The following CREBBP variants were observed in gnomAD, a reference collection of about 807,000 sequenced individuals.
CREBBP encodes CREB-binding protein.
In CREBBP, 19 loss-of-function variants were observed where a neutral mutation model predicts 265.0. The ratio of observed to expected loss-of-function variants is 0.07; its 90% CI spans 0.05 to 0.11. The LOEUF (loss-of-function observed/expected upper bound fraction) is 0.11, where lower values mean the gene tolerates loss of function less well. CREBBP is among the 10% of genes least tolerant of loss of function. The probability of loss-of-function intolerance (pLI) is 1.00; values close to 1 mark genes in which losing one functional copy is unlikely to be tolerated. For synonymous variants in CREBBP, 1,457 were observed against 1,223.7 expected (o/e 1.19, Z -3.98); for missense variants, 2,525 against 3,219.0 (o/e 0.78, Z 5.22).
At chr16:3,764,745 G>C (rs34519477) in intron 16 of CREBBP, among the ~76,000 whole-genome samples, 14 of 151,360 alleles carry the variant, frequency 9.2e-5, no homozygotes, top group African/African-American at 3.4e-4. Flanking sequence ...CACCACACTT[G>C]GCTGATTTTT....
chr16:3,769,548 C>A (rs1483400036), intron 14 of CREBBP, among the ~76,000 whole-genome samples, 195 bp from the exon 15 acceptor site: 3 of 152,172 alleles, frequency 2.0e-5, no homozygotes, highest in Non-Finnish European at 4.4e-5. Flanking sequence ...GCCAGAGGTA[C>A]AACTCAGGTC....
intron 5 of CREBBP, among the ~76,000 whole-genome samples, chr16:3,783,236 A>G (rs2053314067): frequency 6.6e-6 from 1 of 152,224 alleles, no homozygotes; most frequent in South Asian, 2.1e-4. Context: ...AGACTCCTCA[A>G]GAAGTCAGTT....
chr16:3,725,734 C>T lies in CREBBP; in HGVS notation c.*1984G>A, dbSNP rs1240078543. The T allele has an allele frequency of 2.6e-5, 6 of 233,134 alleles. No homozygotes were observed. The highest frequency in any genetic ancestry group is 2.4e-4 in the East Asian group (4 of 16,604). The allele number at this position is 233,134 out of a possible 1,614,324, so 14.4% of individuals were successfully genotyped here. On this transcript the variant is annotated 3_prime_UTR_variant, in exon 31 of 31. Coordinates refer to ENST00000262367, the MANE Select transcript of CREBBP (RefSeq NM_004380.3). ...TTTCCAACTTCTTAGAAAGGTTCCTCGAATTCAGATTCCCAAACCAAGTAT... is the reference window on the plus strand; with the variant it reads ...TTTCCAACTTCTTAGAAAGGTTCCTTGAATTCAGATTCCCAAACCAAGTAT...
At position 3,778,816 on chromosome 16, in the gene CREBBP, C is replaced by T. The variant is rs781659306; in HGVS notation, c.1825G>A (p.Val609Ile). Residue 609 changes from valine to isoleucine, a missense_variant and splice_region_variant, in exon 9 of 31, where the codon GTC becomes ATC. Val to Ile is a conservative substitution (Grantham distance 29). Coordinates refer to ENST00000262367, the MANE Select transcript of CREBBP (RefSeq NM_004380.3). ...DLRSHLVHKL[V>I]QAIFPTPDPA... is the part of the protein sequence containing the mutation. ...TCAGGTGTTGGGAAGATGGCTTGGA[C>T]GCTGAAAGGATAACACATCTATCAA... 3 of 1,612,910 alleles carry T rather than the reference C, an allele frequency of 1.9e-6. No homozygotes were observed. The highest frequency in any genetic ancestry group is 2.5e-6 in the Non-Finnish European group (3 of 1,179,094).
intron 2 of CREBBP, among the ~76,000 whole-genome samples, chr16:3,837,273 G>A (rs1390646699): frequency 1.3e-5 from 2 of 152,150 alleles, no homozygotes; most frequent in African/African-American, 4.8e-5. Flanking sequence ...GTGTGTCTGT[G>A]TGTATGTGTG....
chr16:3,785,569 G>A (rs2053366780), intron 5 of CREBBP, among the ~76,000 whole-genome samples: 1 of 152,196 alleles, frequency 6.6e-6, no homozygotes, highest in Non-Finnish European at 1.5e-5. Flanking sequence ...CAGAGTCCAG[G>A]GGACGTGCCA....
chr16:3,771,097 T>C (rs2052997136), intron 13 of CREBBP, 111 bp from the exon 14 acceptor site: 1 of 1,157,286 alleles, frequency 8.6e-7, no homozygotes. Context: ...TGAGACAGTT[T>C]CACTCTTGTC....
At chr16:3,851,062 C>A in intron 1 of CREBBP, 53 bp from the exon 2 acceptor site, 1 of 1,460,454 alleles carries the variant, frequency 6.8e-7, no homozygotes. Context: ...TTACAGCTCT[C>A]CAACTGCCAC....
chr16:3,755,852 T>C (rs988125920), intron 19 of CREBBP, among the ~76,000 whole-genome samples: 2 of 152,200 alleles, frequency 1.3e-5, no homozygotes, highest in Non-Finnish European at 2.9e-5. Context: ...TTAGGGTCTG[T>C]CCTTCCCCCT....
chr16:3,849,442 T>TGTGTGTGTGTGTGTGTGTG (rs2054764589), intron 2 of CREBBP, among the ~76,000 whole-genome samples: 3 of 18,714 alleles, frequency 1.6e-4, no homozygotes, highest in East Asian at 4.4e-3. Context: ...TGTGTGTGTG[T>TGTGTGTGTGTGTGTGTGTG]GTGTGTGTGT....
chr16:3,772,915 C>CAAAAAAAA (rs144154476), intron 13 of CREBBP, among the ~76,000 whole-genome samples: 8 of 88,836 alleles, frequency 9.0e-5, no homozygotes, highest in Non-Finnish European at 1.5e-4. Context: ...ACTAAAAATA[C>CAAAAAAAA]AAAAAAAAAA....
At chr16:3,824,587 T>C (rs1312327798) in intron 2 of CREBBP, among the ~76,000 whole-genome samples, 2 of 152,196 alleles carry the variant, frequency 1.3e-5, no homozygotes, top group Admixed American at 6.5e-5. Context: ...GATCTCTGCA[T>C]TCAAATCCTG....
intron 2 of CREBBP, among the ~76,000 whole-genome samples, chr16:3,837,407 A>G (rs2054475490): frequency 6.6e-6 from 1 of 152,116 alleles, no homozygotes; most frequent in African/African-American, 2.4e-5. Flanking sequence ...CCTGAGCTCA[A>G]GAGTTTACGA....
chr16:3,855,830 C>T (rs994453285), intron 1 of CREBBP, among the ~76,000 whole-genome samples: 5 of 152,156 alleles, frequency 3.3e-5, no homozygotes, highest in Non-Finnish European at 7.3e-5. Flanking sequence ...ACAAACTGTA[C>T]AATATTTATT....
At position 3,832,754 on chromosome 16, in the gene CREBBP, G is replaced by A. The variant is rs78225077; in HGVS notation, c.798+17543C>T. 4.1e-3 allele frequency among the ~76,000 whole-genome samples: 627 copies of A among 152,286 alleles called. 4 individuals are homozygous for A. The highest frequency in any genetic ancestry group is 6.3e-3 in the Non-Finnish European group (431 of 68,028). On this transcript the variant is annotated intron_variant, in intron 2 of 30. Coordinates refer to ENST00000262367, the MANE Select transcript of CREBBP (RefSeq NM_004380.3). ...ATTCGTTATGTAGCACATTACTGTG[G>A]AAGCATAAATCCTGAACAATATTTT...
chr16:3,856,710 G>T (rs1443833887), intron 1 of CREBBP, among the ~76,000 whole-genome samples: 1 of 152,204 alleles, frequency 6.6e-6, no homozygotes, highest in Non-Finnish European at 1.5e-5. Context: ...ATTACCATTA[G>T]AGATCAGCTC....
At chr16:3,873,244 G>A (rs202046373) in intron 1 of CREBBP, among the ~76,000 whole-genome samples, 2 of 152,238 alleles carry the variant, frequency 1.3e-5, no homozygotes, top group East Asian at 3.9e-4. Flanking sequence ...AATTTTCAGT[G>A]TACATCCTGA....
chr16:3,777,559 T>C, intron 11 of CREBBP, 54 bp downstream of exon 11: 1 of 1,562,120 alleles, frequency 6.4e-7, no homozygotes, highest in Non-Finnish European at 8.8e-7. Context: ...ACAGTGAAAG[T>C]TATGGCTGTT....
In CREBBP at chr16:3,770,845, G is replaced by C. The variant is rs769634295; in HGVS notation, c.2605C>G (p.Leu869Val). Residue 869 changes from leucine (L) to valine (V), a missense_variant, in exon 14 of 31, where the codon CTC becomes GTC. Physicochemically the swap from Leu to Val is conservative, Grantham distance 32 (BLOSUM62 1). Around this residue, in one of 19 missense-constraint regions of CREBBP, gnomAD observed 548 missense variants for 533.0 expected, o/e 1.03. Transcript: ENST00000262367. ...PASTAAGMPS[L>V]QHTTPPGMTP... ...ATCCCAGGTGGTGTCGTGTGCTGGA[G>C]AGATGGCATGCCAGCAGCCGTGGAA... 5 of 1,613,892 alleles carry C rather than the reference G, an allele frequency of 3.1e-6. No individual in the cohort carries two copies. The highest frequency in any genetic ancestry group is 8.5e-7 in the Non-Finnish European group (1 of 1,180,010).
Sources: gnomAD v4.1 joint callset for allele counts (sites outside exome capture counted in the v4.1 genomes callset) on GRCh38, gnomAD v4.1.1 for gene constraint, gnomAD v4.1.1 regional missense constraint, MANE v1.5 for transcripts, NCBI Gene and HGNC (gene_info 2026-07-23, HGNC 2026-07-21) for gene names.